PSD3: variants seen among roughly 807,000 people sequenced by gnomAD.
PSD3 encodes PH and SEC7 domain-containing protein 3.
PSD3 carries 49 observed loss-of-function variants against 105.5 expected under a neutral mutation model. The observed-to-expected ratio is 0.46, with a 90% CI of 0.37 to 0.59. The LOEUF (loss-of-function observed/expected upper bound fraction) is 0.59, where lower values mean the gene tolerates loss of function less well. Ranked by LOEUF, PSD3 falls within the 20% of genes least tolerant of loss-of-function variation. The pLI, the probability that PSD3 is intolerant of heterozygous loss-of-function variation, is 0.00. For synonymous variants in PSD3, 557 were observed against 457.8 expected (o/e 1.22, Z -2.77); for missense variants, 1,561 against 1,263.8 (o/e 1.24, Z -3.57).
intron 8 of PSD3, among the ~76,000 whole-genome samples, chr8:18,788,864 CA>C (rs1011683344): frequency 1.3e-5 from 2 of 152,154 alleles, no homozygotes; most frequent in Admixed American, 6.5e-5. Context: ...GCTTTGCTAT[CA>C]AATAAGTTTG....
intron 15 of PSD3, among the ~76,000 whole-genome samples, chr8:18,545,284 C>A (rs1563307733): frequency 6.6e-6 from 1 of 152,152 alleles, no homozygotes; most frequent in Non-Finnish European, 1.5e-5. Context: ...AATAAATTGT[C>A]CGGTTCCAAA....
chr8:18,763,041 C>A (rs1806671993), intron 9 of PSD3: 2 of 560,342 alleles, frequency 3.6e-6, no homozygotes, highest in African/African-American at 1.9e-5. Flanking sequence ...AAACACACAG[C>A]AGACCTTTAA....
chr8:18,784,768 G>T (rs958605456), intron 8 of PSD3, among the ~76,000 whole-genome samples: 1 of 152,164 alleles, frequency 6.6e-6, no homozygotes, highest in African/African-American at 2.4e-5. Flanking sequence ...CTGTCCCTGT[G>T]ATGTTGGGAT....
At chr8:18,904,425 G>A (rs568441658) in intron 2 of PSD3, among the ~76,000 whole-genome samples, 12 of 152,200 alleles carry the variant, frequency 7.9e-5, no homozygotes, top group Admixed American at 5.2e-4. Flanking sequence ...AGGCTTCAGC[G>A]GATCACCCTT....
At chr8:18,594,909 T>A (rs777600042) in intron 12 of PSD3, among the ~76,000 whole-genome samples, 9 of 152,120 alleles carry the variant, frequency 5.9e-5, no homozygotes, top group Non-Finnish European at 1.2e-4. Flanking sequence ...TCTGAATATT[T>A]CAATCTCAGG....
intron 11 of PSD3, among the ~76,000 whole-genome samples, chr8:18,620,074 G>A (rs576079567): frequency 6.6e-6 from 1 of 152,284 alleles, no homozygotes; most frequent in Non-Finnish European, 1.5e-5. Context: ...GTGGCTCCCA[G>A]AGCCTCCTTA....
chr8:18,706,873 G>C (rs998787307), intron 9 of PSD3, among the ~76,000 whole-genome samples: 5 of 152,090 alleles, frequency 3.3e-5, no homozygotes, highest in African/African-American at 9.7e-5. Flanking sequence ...AGAATGTCCT[G>C]GTTAAACCAG....
In PSD3 at chr8:18,529,763, A is replaced by G. The variant is rs188741669; in HGVS notation, c.*5980T>C. ...AAAGTCCAAACATTTCAAATGGTTA[A>G]GGCCCAAAAATGAAACGTTTTGCTT... On this transcript the variant is annotated 3_prime_UTR_variant, in exon 16 of 16. Coordinates refer to ENST00000327040, the MANE Select transcript of PSD3 (RefSeq NM_015310.4). 6.5e-6 allele frequency: 1 copy of G among 152,768 alleles called. No individual in the cohort carries two copies. The highest frequency in any genetic ancestry group is 1.5e-5 in the Non-Finnish European group (1 of 68,030). The allele number at this position is 152,768 out of a possible 1,614,324, so 9.5% of individuals were successfully genotyped here.
intron 4 of PSD3, among the ~76,000 whole-genome samples, chr8:18,818,156 T>C (rs1170706602): frequency 6.6e-6 from 1 of 152,116 alleles, no homozygotes; most frequent in Non-Finnish European, 1.5e-5. Flanking sequence ...GGTTTTGCCA[T>C]GTTGGCCAGG....
chr8:19,047,557 A>G (rs748663035), intron 1 of PSD3, among the ~76,000 whole-genome samples: 1 of 152,140 alleles, frequency 6.6e-6, no homozygotes. Flanking sequence ...AGGGAGCTAT[A>G]GAGTTTGAGT....
intron 9 of PSD3, among the ~76,000 whole-genome samples, chr8:18,664,138 G>A (rs747801964): frequency 6.6e-6 from 1 of 152,168 alleles, no homozygotes; most frequent in Non-Finnish European, 1.5e-5. Context: ...GTCTCTAACT[G>A]TTCAAGTAAA....
intron 9 of PSD3, among the ~76,000 whole-genome samples, chr8:18,685,394 C>CAGAA (rs1800610571): frequency 6.6e-6 from 1 of 151,968 alleles, no homozygotes; most frequent in South Asian, 2.1e-4. Context: ...ATGACAGGGG[C>CAGAA]TTTCTTCCTA....
At chr8:18,655,531 A>G in intron 10 of PSD3, 111 bp downstream of exon 10, 1 of 1,007,544 alleles carries the variant, frequency 9.9e-7, no homozygotes, top group South Asian at 1.4e-5. Flanking sequence ...GTGTAAAATG[A>G]GAATTGGCAA....
chr8:19,070,652 T>C (rs1208897470), intron 1 of PSD3, among the ~76,000 whole-genome samples: 3 of 152,138 alleles, frequency 2.0e-5, no homozygotes, highest in Non-Finnish European at 2.9e-5. Context: ...CACTGTAGCA[T>C]GGGAGAGAAA....
intron 10 of PSD3, among the ~76,000 whole-genome samples, chr8:18,640,413 G>A (rs528917976): frequency 6.6e-6 from 1 of 152,240 alleles, no homozygotes; most frequent in East Asian, 1.9e-4. Flanking sequence ...TAATCCCCAT[G>A]TGTCATGGGA....
intron 8 of PSD3, among the ~76,000 whole-genome samples, chr8:18,774,313 T>C (rs1003368006): frequency 2.0e-5 from 3 of 152,228 alleles, no homozygotes; most frequent in Non-Finnish European, 4.4e-5. Flanking sequence ...TATCGTATAA[T>C]GATCAGAACA....
At chr8:18,834,209 T>C (rs547240802) in intron 4 of PSD3, among the ~76,000 whole-genome samples, 1 of 152,210 alleles carries the variant, frequency 6.6e-6, no homozygotes, top group Non-Finnish European at 1.5e-5. Context: ...AATTTCCTCA[T>C]AAAGAAGGTA....
intron 9 of PSD3, among the ~76,000 whole-genome samples, chr8:18,735,153 T>C (rs1446282112): frequency 1.3e-5 from 2 of 152,164 alleles, no homozygotes; most frequent in Admixed American, 1.3e-4. Context: ...CAAAAATCCC[T>C]AAGTTCTCTC....
intron 6 of PSD3, chr8:18,803,057 G>T (rs576951441): frequency 6.4e-6 from 1 of 157,308 alleles, no homozygotes; most frequent in Non-Finnish European, 1.4e-5. Flanking sequence ...AGGCTGAGGC[G>T]GGTGGACTGC....
Sources: allele counts gnomAD v4.1 joint callset (sites outside exome capture counted in the v4.1 genomes callset), GRCh38; gene constraint gnomAD v4.1.1; transcripts MANE v1.5; gene names NCBI Gene and HGNC (gene_info 2026-07-23, HGNC 2026-07-21).